ADGRF1: variants seen among roughly 807,000 people sequenced by gnomAD.
The protein encoded by ADGRF1 is G protein-coupled receptor 110.
ADGRF1 carries 85 observed loss-of-function variants against 87.2 expected under a neutral mutation model. The ratio of observed to expected loss-of-function variants is 0.97; its 90% CI spans 0.82 to 1.17. The LOEUF (loss-of-function observed/expected upper bound fraction) is 1.17, where lower values mean the gene tolerates loss of function less well. Ranked by LOEUF, ADGRF1 falls within the 50% of genes most tolerant of loss-of-function variation. The pLI is 0.00. For synonymous variants in ADGRF1, 430 were observed against 408.8 expected, an observed-to-expected ratio of 1.05 and a Z score of -0.63; for missense variants, 1,169 against 1,077.2, an observed-to-expected ratio of 1.09 and a Z score of -1.19.
chr6:47,022,809 T>TC lies in ADGRF1; in HGVS notation c.452-752_452-751insG, dbSNP rs564811947. The stretch of plus-strand genomic sequence containing the variant: ...CTTTCTTTCTTTTCTTTTTTCTTTT[T>TC]TTTTTTTTTTTTTTAGTCAGGGTCT... On this transcript the variant is annotated intron_variant, in intron 5 of 14. Transcript: ENST00000371253. Among the ~76,000 whole-genome samples, 99 of 148,196 alleles carry TC rather than the reference T, an allele frequency of 6.7e-4. 2 individuals are homozygous for TC. The South Asian group carries it at 0.021, about 31-fold the overall frequency.
intron 7 of ADGRF1, chr6:47,020,325 T>C: frequency 2.2e-6 from 2 of 926,600 alleles, no homozygotes; most frequent in Non-Finnish European, 3.0e-6. Flanking sequence ...AAACCCTGTC[T>C]CTACTAAAAA....
intron 1 of ADGRF1, among the ~76,000 whole-genome samples, chr6:47,039,716 C>T (rs147507651): frequency 9.2e-5 from 14 of 152,316 alleles, no homozygotes; most frequent in African/African-American, 3.4e-4. Flanking sequence ...AATCCCAGCA[C>T]TTTGGGAGAC....
chr6:47,014,917 A>G (rs1779820358), intron 8 of ADGRF1, 73 bp from the exon 9 acceptor site: 1 of 1,436,744 alleles, frequency 7.0e-7, no homozygotes, highest in Admixed American at 2.8e-5. Flanking sequence ...CCATGTAGTC[A>G]TGTTCAAATG....
Position 47,005,887 on chromosome 6 carries a change from A to G in ADGRF1, c.2533-11T>C. 1 of 1,603,814 alleles carries G rather than the reference A, an allele frequency of 6.2e-7. No individual in the cohort carries two copies. Among genetic ancestry groups the G allele is most frequent in the Non-Finnish European group, 8.5e-7 (1 of 1,172,418 alleles). ...CAGAAGTTGTCGCAGCTATAAGGGC[A>G]ACAAAGAAATATTGAGGAGATACAC... is the stretch of plus-strand genomic sequence containing the variant. On this transcript the variant is annotated splice_polypyrimidine_tract_variant and intron_variant, in intron 12 of 14. Coordinates refer to ENST00000371253, the MANE Select transcript of ADGRF1 (RefSeq NM_153840.4).
At chr6:47,013,910 A>T (rs1779783790) in intron 9 of ADGRF1, 1 of 151,454 alleles carries the variant, frequency 6.6e-6, no homozygotes, top group Admixed American at 6.7e-5. Flanking sequence ...CTCTCCTGTC[A>T]CCATATAAGG....
At chr6:47,024,402 C>T (rs944139725) in intron 4 of ADGRF1, 185 bp from the exon 5 acceptor site, 23 of 504,218 alleles carry the variant, frequency 4.6e-5, no homozygotes, top group Non-Finnish European at 1.4e-5. Context: ...GCAACCTCTG[C>T]CTCCTGGGTT....
intron 11 of ADGRF1, 102 bp downstream of exon 11, chr6:47,008,843 A>G: frequency 1.0e-6 from 1 of 968,620 alleles, no homozygotes; most frequent in Non-Finnish European, 1.5e-6. Flanking sequence ...GTCTTGCTGG[A>G]GGCAGGGAGA....
chr6:46,998,553 C>T lies in ADGRF1; in HGVS notation c.*1669G>A, dbSNP rs1008309226. The T allele has an allele frequency of 8.5e-5, 13 of 152,382 alleles. No individual in the cohort carries two copies. Among genetic ancestry groups the T allele is most frequent in the African/African-American group, 2.6e-4 (11 of 41,574 alleles). 9.4% of individuals were successfully genotyped at this position (152,382 alleles called of 1,614,324 possible). On this transcript the variant is annotated 3_prime_UTR_variant, in exon 15 of 15. Coordinates refer to ENST00000371253, the MANE Select transcript of ADGRF1 (RefSeq NM_153840.4). The stretch of plus-strand genomic sequence containing the variant: ...CTCAACACAGAACTCATTCAGGGCT[C>T]TACTACCGGAGCTGTGGCCACAATT...
chr6:47,030,332 C>T (rs1170496423), intron 1 of ADGRF1, among the ~76,000 whole-genome samples: 1 of 152,268 alleles, frequency 6.6e-6, no homozygotes, highest in South Asian at 2.1e-4. Flanking sequence ...TCCTCTTATG[C>T]CCCACCTTCC....
intron 2 of ADGRF1, 52 bp from the exon 3 acceptor site, chr6:47,027,813 C>A: frequency 9.6e-7 from 1 of 1,044,146 alleles, no homozygotes; most frequent in South Asian, 1.3e-5. Context: ...AGTTGTGCTT[C>A]ATAAGGCCTT....
chr6:47,018,357 G>GA, intron 7 of ADGRF1: 2 of 1,242,634 alleles, frequency 1.6e-6, no homozygotes, highest in South Asian at 1.4e-5. Flanking sequence ...GAAGTTGGGT[G>GA]AAAAAATTAT....
chr6:47,000,349 T>G, intron 14 of ADGRF1, 54 bp from the exon 15 acceptor site: 1 of 1,339,642 alleles, frequency 7.5e-7, no homozygotes, highest in Non-Finnish European at 1.1e-6. Context: ...AAATCAAGCA[T>G]GAGACCAAAA....
At chr6:47,007,981 G>A (rs1779580569) in intron 11 of ADGRF1, among the ~76,000 whole-genome samples, 1 of 152,174 alleles carries the variant, frequency 6.6e-6, no homozygotes, top group Non-Finnish European at 1.5e-5. Context: ...AACATCTATT[G>A]AGCATTTGTT....
At chr6:47,001,155 G>T (rs796553480) in intron 14 of ADGRF1, among the ~76,000 whole-genome samples, 5 of 152,348 alleles carry the variant, frequency 3.3e-5, no homozygotes, top group African/African-American at 9.6e-5. Context: ...GCACAAAGGG[G>T]TGATTCTCCA....
At chr6:47,016,921 A>G in intron 7 of ADGRF1, 153 bp from the exon 8 acceptor site, 1 of 917,696 alleles carries the variant, frequency 1.1e-6, no homozygotes, top group Admixed American at 3.8e-5. Context: ...TAAAAAAACA[A>G]GTATCCACCA....
chr6:47,038,850 CATT>C (rs1780662606), intron 1 of ADGRF1, among the ~76,000 whole-genome samples: 2 of 152,176 alleles, frequency 1.3e-5, no homozygotes, highest in African/African-American at 4.8e-5. Flanking sequence ...AGAAATATAT[CATT>C]AAGTGTCTTA....
chr6:47,038,923 T>A (rs1054719943), intron 1 of ADGRF1, among the ~76,000 whole-genome samples: 1 of 152,030 alleles, frequency 6.6e-6, no homozygotes, highest in Non-Finnish European at 1.5e-5. Context: ...CCAAGTAGAG[T>A]CGGGCTGCAT....
chr6:47,009,567 C>T lies in ADGRF1; in HGVS notation c.1868G>A (p.Arg623His), dbSNP rs141336103. The change falls in exon 11 of 15, where the codon CGT (arginine) becomes CAT (histidine). Residue 623 changes from arginine (R) to histidine (H), a missense_variant. By Grantham distance (29) the Arg-to-His change is conservative. Transcript: ENST00000371253. ...QIKKSQTSHT[R>H]RICMVNIALS... ...GGCTATGTTCACCATGCAAATACGA[C>T]GTGTGTGAGAGGTTTGGCTTTTTTT... 66 of 1,614,060 alleles carry T rather than the reference C, an allele frequency of 4.1e-5. No individual in the cohort carries two copies. The African/African-American group carries it at 4.3e-4, about 10-fold the overall frequency.
intron 1 of ADGRF1, among the ~76,000 whole-genome samples, chr6:47,039,451 T>A (rs1411132458): frequency 6.6e-6 from 1 of 152,226 alleles, no homozygotes; most frequent in African/African-American, 2.4e-5. Context: ...CCAGTTTCCA[T>A]CAGCCACTGA....
Sources: gnomAD v4.1 joint callset for allele counts (sites outside exome capture counted in the v4.1 genomes callset) on GRCh38, gnomAD v4.1.1 for gene constraint, MANE v1.5 for transcripts, NCBI Gene and HGNC (gene_info 2026-07-23, HGNC 2026-07-21) for gene names.